The following KLK2 variants were observed in gnomAD, a reference collection of about 807,000 sequenced individuals.
The protein encoded by KLK2 is kallikrein-2.
KLK2 carries 17 observed loss-of-function variants against 23.0 expected under a neutral mutation model. That is an observed-to-expected ratio of 0.74 (90% CI 0.51 to 1.11). The LOEUF (loss-of-function observed/expected upper bound fraction) is 1.11, where lower values mean the gene tolerates loss of function less well. Among genes scored for constraint, KLK2 ranks in the 50% least tolerant of loss-of-function variants. The pLI is 0.00. For synonymous variants in KLK2, 140 were observed against 124.7 expected (o/e 1.12, Z -0.82); for missense variants, 330 against 325.9 (o/e 1.01, Z -0.10).
intron 2 of KLK2, among the ~76,000 whole-genome samples, chr19:50,875,215 T>A (rs569736578): frequency 2.8e-4 from 43 of 152,244 alleles, no homozygotes; most frequent in African/African-American, 9.4e-4. Context: ...TCTGTGGCCA[T>A]CTCTGTCACC....
intron 4 of KLK2, among the ~76,000 whole-genome samples, chr19:50,878,146 GTCC>G (rs2090308236): frequency 6.6e-6 from 1 of 152,222 alleles, no homozygotes; most frequent in South Asian, 2.1e-4. Flanking sequence ...TGCAGGGACT[GTCC>G]TCCTGGACCT....
Position 50,876,963 on chromosome 19 carries a change from C to T in KLK2, c.585C>T (p.Phe195=). Residue 195 remains phenylalanine, a synonymous_variant, in exon 4 of 5, where the codon TTC becomes TTT. Coordinates refer to ENST00000325321, the MANE Select transcript of KLK2 (RefSeq NM_005551.5). The stretch of plus-strand genomic sequence containing the variant: ...CTTACTCTGAGAAGGTGACAGAGTT[C>T]ATGTTGTGTGCTGGGCTCTGGACAG... ...ARAYSEKVTE[F]MLCAGLWTGG... is the part of the protein sequence containing the mutation. 1 of 1,614,088 alleles carries T rather than the reference C, an allele frequency of 6.2e-7. No individual in the cohort carries two copies. Among genetic ancestry groups the T allele is most frequent in the Non-Finnish European group, 8.5e-7 (1 of 1,179,974 alleles).
rs2090312684 is a variant in KLK2, at chr19:50,878,532, C to A, written c.759C>A (p.Ile253=). 4 of 1,613,880 alleles carry A rather than the reference C, an allele frequency of 2.5e-6. No individual in the cohort carries two copies. Among genetic ancestry groups the A allele is most frequent in the Non-Finnish European group, 3.4e-6 (4 of 1,179,814 alleles). The part of the protein sequence containing the change: ...YTKVVHYRKW[I]KDTIAANP Reference sequence around the variant, plus strand: ...AGGTGGTGCATTACCGGAAGTGGATCAAGGACACCATCGCAGCCAACCCCT... The same window carrying A: ...AGGTGGTGCATTACCGGAAGTGGATAAAGGACACCATCGCAGCCAACCCCT... Residue 253 remains isoleucine (I), a synonymous_variant, in exon 5 of 5, where the codon ATC becomes ATA. Coordinates refer to ENST00000325321, the MANE Select transcript of KLK2 (RefSeq NM_005551.5).
In KLK2 at chr19:50,876,489, T is replaced by C; in HGVS notation, c.224T>C (p.Leu75Pro). Residue 75 changes from leucine to proline, a missense_variant, in exon 3 of 5, where the codon CTG becomes CCG. Coordinates refer to ENST00000325321, the MANE Select transcript of KLK2 (RefSeq NM_005551.5). Reference sequence around the variant, plus strand: ...CTCCCCAGGAATAGCCAGGTCTGGCTGGGTCGGCACAACCTGTTTGAGCCT... The same window carrying C: ...CTCCCCAGGAATAGCCAGGTCTGGCCGGGTCGGCACAACCTGTTTGAGCCT... ...HCLKKNSQVWLGRHNLFEPED... is the reference protein window; with the variant it reads ...HCLKKNSQVWPGRHNLFEPED... 2.5e-6 allele frequency: 4 copies of C among 1,614,136 alleles called. No individual in the cohort carries two copies. Among genetic ancestry groups the C allele is most frequent in the Non-Finnish European group, 3.4e-6 (4 of 1,180,018 alleles).
At position 50,873,442 on chromosome 19, in the gene KLK2, C is replaced by T. The variant is rs2090250793; in HGVS notation, c.-32C>T. The T allele has an allele frequency of 6.3e-7, 1 of 1,577,946 alleles. No homozygotes were observed. Among genetic ancestry groups the T allele is most frequent in the Non-Finnish European group, 8.6e-7 (1 of 1,157,956 alleles). ...CTCAGGGAGGCCCCCCAGCCCCAAA[C>T]TCACCACCTGGCCGTGGACACCTGT... is the stretch of plus-strand genomic sequence containing the variant. On this transcript the variant is annotated 5_prime_UTR_variant, in exon 1 of 5. Transcript: ENST00000325321.
At chr19:50,877,368 A>C (rs1349092815) in intron 4 of KLK2, 1 of 303,812 alleles carries the variant, frequency 3.3e-6, no homozygotes, top group Non-Finnish European at 6.2e-6. Flanking sequence ...TGGACCCAAC[A>C]TGGAAATGCT....
chr19:50,874,897 G>A lies in KLK2; in HGVS notation c.206+17G>A, dbSNP rs369225809. Reference sequence around the variant, plus strand: ...CCTAAAGAAGTAAGTAGGACCCTGGGATCTGGGGAGGGAATGGCTGTGTCC... The same window carrying A: ...CCTAAAGAAGTAAGTAGGACCCTGGAATCTGGGGAGGGAATGGCTGTGTCC... On this transcript the variant is annotated intron_variant, in intron 2 of 4. Transcript: ENST00000325321. 5.0e-6 allele frequency: 8 copies of A among 1,610,650 alleles called. No homozygotes were observed. The highest frequency in any genetic ancestry group is 1.3e-5 in the African/African-American group (1 of 74,974).
chr19:50,876,912 C>T lies in KLK2; in HGVS notation c.534C>T (p.Leu178=). The T allele has an allele frequency of 6.2e-7, 1 of 1,614,184 alleles. No individual in the cohort carries two copies. Among genetic ancestry groups the T allele is most frequent in the Non-Finnish European group, 8.5e-7 (1 of 1,180,018 alleles). The change falls in exon 4 of 5, where the codon CTC becomes CTT. Residue 178 remains leucine, a synonymous_variant. Coordinates refer to ENST00000325321, the MANE Select transcript of KLK2 (RefSeq NM_005551.5). ...PRSLQCVSLH[L]LSNDMCARAY... is the part of the protein sequence containing the mutation. ...GTCTTCAGTGTGTGAGCCTCCATCT[C>T]CTGTCCAATGACATGTGTGCTAGAG...
chr19:50,876,751 A>G lies in KLK2; in HGVS notation c.486A>G (p.Pro162=), dbSNP rs996112244. 1 of 1,614,018 alleles carries G rather than the reference A, an allele frequency of 6.2e-7. No homozygotes were observed. Residue 162 remains proline (P), a synonymous_variant, in exon 3 of 5, where the codon CCA becomes CCG. Coordinates refer to ENST00000325321, the MANE Select transcript of KLK2 (RefSeq NM_005551.5). ...CCTCAGGCTGGGGCAGCATCGAACC[A>G]GAGGAGTGTACGCCTGGGCCAGATG... ...CYASGWGSIE[P]EEFLRPRSLQ... is the part of the protein sequence containing the mutation.
At chr19:50,877,600 T>G (rs952108355) in intron 4 of KLK2, 1 of 158,782 alleles carries the variant, frequency 6.3e-6, no homozygotes, top group African/African-American at 2.4e-5. Context: ...ATGGCTGGAG[T>G]GAGGGATCAG....
At chr19:50,876,373 T>C (rs1295317519) in intron 2 of KLK2, 99 bp from the exon 3 acceptor site, 2 of 1,100,248 alleles carry the variant, frequency 1.8e-6, no homozygotes, top group East Asian at 2.4e-5. Context: ...TTTCTCACTG[T>C]TTCTTTTTCT....
chr19:50,876,140 T>G (rs113544615), intron 2 of KLK2: 58 of 342,804 alleles, frequency 1.7e-4, no homozygotes, highest in Non-Finnish European at 2.9e-4. Flanking sequence ...CTTTCTCCCT[T>G]CCTCTTCCCC....
chr19:50,876,812 A>T, intron 3 of KLK2, 54 bp downstream of exon 3: 2 of 1,610,044 alleles, frequency 1.2e-6, no homozygotes, highest in Non-Finnish European at 1.7e-6. Flanking sequence ...GGTCTGAGGG[A>T]AGTGGGGCCA....
At chr19:50,878,373 T>C (rs571080795) in intron 4 of KLK2, 31 bp from the exon 5 acceptor site, 1 of 1,589,648 alleles carries the variant, frequency 6.3e-7, no homozygotes, top group South Asian at 1.1e-5. Flanking sequence ...GGCCAATCTT[T>C]CTCACTGTGT....
chr19:50,878,359 T>C (rs112788699), intron 4 of KLK2, 45 bp from the exon 5 acceptor site: 87 of 1,574,406 alleles, frequency 5.5e-5, no homozygotes, highest in Middle Eastern at 3.6e-4. Context: ...TAGGCAGTTA[T>C]TGGGGCCAAT....
At chr19:50,875,226 G>C (rs765604332) in intron 2 of KLK2, among the ~76,000 whole-genome samples, 1 of 152,066 alleles carries the variant, frequency 6.6e-6, no homozygotes, top group Non-Finnish European at 1.5e-5. Flanking sequence ...CTCTGTCACC[G>C]TGTGTCTCAC....
intron 1 of KLK2, chr19:50,873,917 T>G: frequency 1.6e-5 from 3 of 191,336 alleles, no homozygotes; most frequent in East Asian, 1.4e-4. Flanking sequence ...TATTCAGCTG[T>G]GAGCATTCAA....
intron 1 of KLK2, 49 bp downstream of exon 1, chr19:50,873,568 T>C (rs1161221908): frequency 3.6e-6 from 5 of 1,373,404 alleles, no homozygotes; most frequent in East Asian, 2.4e-5. Flanking sequence ...ACTCTTATGC[T>C]GAAGCCCTTT....
At chr19:50,876,447 A>C in intron 2 of KLK2, 25 bp from the exon 3 acceptor site, 1 of 1,609,642 alleles carries the variant, frequency 6.2e-7, no homozygotes, top group South Asian at 1.1e-5. Context: ...CTCTCTCCTC[A>C]TGCATCCACC....
Sources: allele counts gnomAD v4.1 joint callset (sites outside exome capture counted in the v4.1 genomes callset), GRCh38; gene constraint gnomAD v4.1.1; transcripts MANE v1.5; gene names NCBI Gene and HGNC (gene_info 2026-07-23, HGNC 2026-07-21).